KCNQ3: variants seen among roughly 807,000 people sequenced by gnomAD.
KCNQ3 encodes the protein potassium voltage-gated channel subfamily Q member 3, also known as potassium voltage-gated channel subfamily KQT member 3.
Under a neutral mutation model 92.5 loss-of-function variants are expected in KCNQ3, and 30 were observed. The observed-to-expected ratio is 0.32, with a 90% CI of 0.24 to 0.44. The LOEUF (loss-of-function observed/expected upper bound fraction) is 0.44, where lower values mean the gene tolerates loss of function less well. KCNQ3 is among the 20% of genes least tolerant of loss of function. The pLI, the probability that KCNQ3 is intolerant of heterozygous loss-of-function variation, is 1.00. For synonymous variants in KCNQ3, 450 were observed against 468.8 expected, an observed-to-expected ratio of 0.96 and a Z score of 0.52; for missense variants, 913 against 1,140.3, an observed-to-expected ratio of 0.80 and a Z score of 2.87.
chr8:132,129,284 G>A lies in KCNQ3; in HGVS notation c.2597C>T (p.Thr866Ile), dbSNP rs574185551. 1.2e-6 allele frequency: 2 copies of A among 1,613,094 alleles called. No homozygotes were observed. Among genetic ancestry groups the A allele is most frequent in the African/African-American group, 1.3e-5 (1 of 75,066 alleles). ...TGDGISDSVWTPSNKPI is the reference protein window; with the variant it reads ...TGDGISDSVWIPSNKPI ...CTTTTAAATGGGCTTATTGGAAGGGGTCCATACTGAATCAGAAATCCCATC... is the reference window on the plus strand; with the variant it reads ...CTTTTAAATGGGCTTATTGGAAGGGATCCATACTGAATCAGAAATCCCATC... Residue 866 changes from threonine to isoleucine, a missense_variant, in exon 15 of 15, where the codon ACC becomes ATC. This residue lies in a region of KCNQ3 where 375 missense variants were observed against 376.4 expected (regional missense o/e 1.00). Coordinates refer to ENST00000388996, the MANE Select transcript of KCNQ3 (RefSeq NM_004519.4). This position sits in a 1 kb window ranked among gnomAD's most constrained non-coding sequence, Gnocchi z 5.9.
chr8:132,325,963 G>A (rs775094916), intron 1 of KCNQ3, among the ~76,000 whole-genome samples: 4 of 152,288 alleles, frequency 2.6e-5, no homozygotes, highest in South Asian at 2.1e-4. Flanking sequence ...ACTTTCCTTC[G>A]TATGTCGAAT....
intron 1 of KCNQ3, among the ~76,000 whole-genome samples, chr8:132,293,453 A>G (rs554107448): frequency 6.6e-6 from 1 of 152,070 alleles, no homozygotes; most frequent in Non-Finnish European, 1.5e-5. Flanking sequence ...AAACCCCCAT[A>G]CCTTTGGTCA....
chr8:132,129,925 C>T lies in KCNQ3; in HGVS notation c.1956G>A (p.Val652=). Residue 652 remains valine (V), a synonymous_variant, in exon 15 of 15, where the codon GTG becomes GTA. Transcript: ENST00000388996. The surrounding 1 kb of genome is among the most constrained non-coding windows in gnomAD (Gnocchi z 5.9). ...TGGTTGGGTAATACTCCGTGACCTG[C>T]ACCTGCAACCGTTCCATGTGTTGCA... The part of the protein sequence containing the change: ...MHMQHMERLQ[V]QVTEYYPTKG... 6.2e-7 allele frequency: 1 copy of T among 1,614,182 alleles called. No homozygotes were observed. The highest frequency in any genetic ancestry group is 1.1e-5 in the South Asian group (1 of 91,078).
chr8:132,181,078 A>G (rs937259904), intron 3 of KCNQ3, among the ~76,000 whole-genome samples: 2 of 152,178 alleles, frequency 1.3e-5, no homozygotes, highest in Admixed American at 1.3e-4. Flanking sequence ...GGAAAGATGT[A>G]AGGCCCACCC....
At chr8:132,440,847 T>A (rs1156694506) in intron 1 of KCNQ3, among the ~76,000 whole-genome samples, 2 of 152,194 alleles carry the variant, frequency 1.3e-5, no homozygotes, top group African/African-American at 4.8e-5. Context: ...CCCTATCAAG[T>A]CCTATTCAAA....
rs1824905504 is a variant in KCNQ3, at chr8:132,132,165, G to A, written c.1884+15C>T. On this transcript the variant is annotated intron_variant, in intron 14 of 14. Transcript: ENST00000388996. The stretch of plus-strand genomic sequence containing the variant: ...TCACAGATCCAGTTTTTGGTGAGAG[G>A]AAGAAAAGACTTACCTGTCTTTCAA... The A allele has an allele frequency of 6.5e-7, 1 of 1,541,654 alleles. No homozygotes were observed. The highest frequency in any genetic ancestry group is 1.4e-5 in the African/African-American group (1 of 73,458).
At chr8:132,408,982 C>T (rs1820575431) in intron 1 of KCNQ3, among the ~76,000 whole-genome samples, 1 of 152,176 alleles carries the variant, frequency 6.6e-6, no homozygotes, top group Non-Finnish European at 1.5e-5. Context: ...CACAGCTATA[C>T]CATGTGAGGA....
intron 1 of KCNQ3, among the ~76,000 whole-genome samples, chr8:132,227,129 C>T (rs1156281425): frequency 1.4e-5 from 2 of 147,758 alleles, no homozygotes; most frequent in African/African-American, 2.5e-5. Context: ...GGCGCGATCT[C>T]GGGGCTCACT....
intron 1 of KCNQ3, among the ~76,000 whole-genome samples, chr8:132,257,939 A>G (rs550418582): frequency 6.6e-6 from 1 of 152,318 alleles, no homozygotes; most frequent in Non-Finnish European, 1.5e-5. Context: ...TATGATGGTA[A>G]CAGTCAATCC....
rs889220290 is a variant in KCNQ3, at chr8:132,466,871, A to G, written c.386+13276T>C. Among the ~76,000 whole-genome samples, 3 of 152,194 alleles carry G rather than the reference A, an allele frequency of 2.0e-5. No individual in the cohort carries two copies. The South Asian group carries it at 6.2e-4, about 31-fold the overall frequency. On this transcript the variant is annotated intron_variant, in intron 1 of 14. Transcript: ENST00000388996. ...ATTTCATGGGTGAGGGCAATTGGGG[A>G]AAAACGTCTCTAAAGACTCCTCAAA... is the stretch of plus-strand genomic sequence containing the variant.
At chr8:132,381,149 C>T (rs1819740815) in intron 1 of KCNQ3, among the ~76,000 whole-genome samples, 1 of 152,152 alleles carries the variant, frequency 6.6e-6, no homozygotes, top group African/African-American at 2.4e-5. Context: ...GTCCGTTATC[C>T]ATAATTTTAG....
At chr8:132,308,358 T>C (rs558196991) in intron 1 of KCNQ3, among the ~76,000 whole-genome samples, 1 of 152,090 alleles carries the variant, frequency 6.6e-6, no homozygotes, top group East Asian at 1.9e-4. Context: ...CAGTGACAAG[T>C]ACCATTAGAG....
chr8:132,266,039 G>A (rs925318325), intron 1 of KCNQ3, among the ~76,000 whole-genome samples: 1 of 152,172 alleles, frequency 6.6e-6, no homozygotes, highest in Non-Finnish European at 1.5e-5. Flanking sequence ...TCATCTCTTA[G>A]AGCCATGGAT....
chr8:132,337,666 C>A (rs1418402456), intron 1 of KCNQ3, among the ~76,000 whole-genome samples: 1 of 150,064 alleles, frequency 6.7e-6, no homozygotes, highest in Non-Finnish European at 1.5e-5. Context: ...ACTCCTCAGA[C>A]CCCCCAGACC....
chr8:132,138,297 C>G (rs1825173048), intron 11 of KCNQ3, among the ~76,000 whole-genome samples: 1 of 152,166 alleles, frequency 6.6e-6, no homozygotes, highest in Admixed American at 6.5e-5. Flanking sequence ...AGACCATGAG[C>G]TTAATTAATG....
chr8:132,304,492 A>C (rs569016728), intron 1 of KCNQ3, among the ~76,000 whole-genome samples: 1 of 152,352 alleles, frequency 6.6e-6, no homozygotes, highest in South Asian at 2.1e-4. Flanking sequence ...TAGTAAGAGC[A>C]GCCCTATAGA....
chr8:132,299,130 A>T (rs1344298592), intron 1 of KCNQ3, among the ~76,000 whole-genome samples: 1 of 149,298 alleles, frequency 6.7e-6, no homozygotes, highest in Non-Finnish European at 1.5e-5. Context: ...ATGCATTTTT[A>T]AAAATTTTTA....
intron 1 of KCNQ3, among the ~76,000 whole-genome samples, chr8:132,216,513 C>T (rs559322519): frequency 4.6e-5 from 7 of 152,292 alleles, no homozygotes; most frequent in African/African-American, 1.7e-4. Context: ...GACGCAGCCT[C>T]CCACCAGTGG....
chr8:132,350,163 A>C (rs1008503065), intron 1 of KCNQ3, among the ~76,000 whole-genome samples: 8 of 152,206 alleles, frequency 5.3e-5, no homozygotes, highest in African/African-American at 1.4e-4. Context: ...GTCCGGATAC[A>C]TCTTGCAGAC....
Sources: gnomAD v4.1 joint callset for allele counts (sites outside exome capture counted in the v4.1 genomes callset) on GRCh38, gnomAD v4.1.1 for gene constraint, gnomAD v4.1.1 regional missense constraint, Gnocchi (gnomAD v3.1) non-coding constraint, MANE v1.5 for transcripts, NCBI Gene and HGNC (gene_info 2026-07-23, HGNC 2026-07-21) for gene names.